PLCH1: variants seen among roughly 807,000 people sequenced by gnomAD.
PLCH1 encodes the protein phospholipase C eta 1.
A neutral mutation model predicts 126.7 loss-of-function variants in PLCH1; 60 were observed. That is an observed-to-expected ratio of 0.47 (90% CI 0.38 to 0.59). The LOEUF (loss-of-function observed/expected upper bound fraction) is 0.59. Ranked by LOEUF, PLCH1 falls within the 20% of genes least tolerant of loss-of-function variation. The pLI is 0.00. For synonymous variants in PLCH1, 719 were observed against 734.9 expected (o/e 0.98, Z 0.35); for missense variants, 1,723 against 2,040.0 (o/e 0.84, Z 2.99).
At chr3:155,734,802 A>G (rs186044619) in intron 1 of PLCH1, among the ~76,000 whole-genome samples, 24 of 146,998 alleles carry the variant, frequency 1.6e-4, no homozygotes, top group Admixed American at 6.2e-4. Context: ...TCCGCCTCCC[A>G]GGTTCACGCC....
chr3:155,639,540 C>T (rs1444338357), intron 2 of PLCH1, among the ~76,000 whole-genome samples: 3 of 152,188 alleles, frequency 2.0e-5, no homozygotes, highest in East Asian at 3.8e-4. Flanking sequence ...TATATGAAGA[C>T]ATCTGATGTT....
At chr3:155,557,370 C>T (rs940691973) in intron 8 of PLCH1, among the ~76,000 whole-genome samples, 4 of 152,090 alleles carry the variant, frequency 2.6e-5, no homozygotes, top group Admixed American at 6.6e-5. Context: ...AATGCAAAGG[C>T]GACAAAGCAA....
intron 2 of PLCH1, among the ~76,000 whole-genome samples, chr3:155,608,982 A>G (rs1734727194): frequency 6.6e-6 from 1 of 152,194 alleles, no homozygotes. Context: ...CTCTGCTCCC[A>G]GGAAAGGGAA....
chr3:155,680,340 G>A (rs1744413465), intron 2 of PLCH1, among the ~76,000 whole-genome samples: 1 of 152,052 alleles, frequency 6.6e-6, no homozygotes, highest in African/African-American at 2.4e-5. Context: ...CCGAGATCAT[G>A]CCACTGCACT....
At chr3:155,564,682 C>A (rs575939733) in intron 8 of PLCH1, among the ~76,000 whole-genome samples, 1 of 152,294 alleles carries the variant, frequency 6.6e-6, no homozygotes, top group East Asian at 1.9e-4. Context: ...ATCATAATTT[C>A]TCAGCAACTA....
chr3:155,474,713 G>A (rs1319943611), intron 21 of PLCH1, among the ~76,000 whole-genome samples: 1 of 121,672 alleles, frequency 8.2e-6, no homozygotes, highest in Non-Finnish European at 1.6e-5. Context: ...TTAAGAAAAT[G>A]TGGCACATAT....
chr3:155,545,974 G>T (rs1321739534), intron 10 of PLCH1, among the ~76,000 whole-genome samples: 4 of 151,494 alleles, frequency 2.6e-5, no homozygotes, highest in African/African-American at 4.8e-5. Flanking sequence ...TTGAAAACTG[G>T]CACAAGACAG....
intron 10 of PLCH1, among the ~76,000 whole-genome samples, chr3:155,537,230 A>C (rs1723550589): frequency 1.2e-4 from 2 of 16,248 alleles, no homozygotes; most frequent in Non-Finnish European, 5.3e-4. Context: ...AAAAAAAAAA[A>C]AAACCTAAAA....
chr3:155,688,379 A>C (rs1038962421), intron 2 of PLCH1, among the ~76,000 whole-genome samples: 4 of 152,228 alleles, frequency 2.6e-5, no homozygotes, highest in Admixed American at 2.6e-4. Context: ...CTTAGTTCAG[A>C]TCATAAAGGC....
intron 1 of PLCH1, among the ~76,000 whole-genome samples, chr3:155,729,099 C>T (rs1461396697): frequency 6.6e-6 from 1 of 152,186 alleles, no homozygotes; most frequent in Non-Finnish European, 1.5e-5. Flanking sequence ...GCTCACGATT[C>T]CTTCATACAT....
At chr3:155,582,077 T>TC (rs1730782461) in intron 6 of PLCH1, among the ~76,000 whole-genome samples, 2 of 22,496 alleles carry the variant, frequency 8.9e-5, no homozygotes. Flanking sequence ...TTTTCTTTCT[T>TC]TTTTTTTTTT....
intron 19 of PLCH1, among the ~76,000 whole-genome samples, chr3:155,490,408 C>T (rs1262412793): frequency 1.3e-5 from 2 of 152,048 alleles, no homozygotes; most frequent in Non-Finnish European, 2.9e-5. Context: ...GAGAAATTAT[C>T]AAGACACATA....
At chr3:155,470,573 A>G (rs372769307) in intron 21 of PLCH1, among the ~76,000 whole-genome samples, 25 of 152,210 alleles carry the variant, frequency 1.6e-4, no homozygotes, top group African/African-American at 2.6e-4. Context: ...GAAATACAGA[A>G]AACGCCACAA....
rs558666972 is a variant in PLCH1 at position 155,572,419 on chromosome 3, T to C, written c.772-4095A>G. Among the ~76,000 whole-genome samples the C allele has an allele frequency of 7.9e-5, 12 of 152,266 alleles. No homozygotes were observed. In the South Asian group the frequency reaches 2.3e-3, roughly 29 times the overall value. ...GTCCTTTTCACAGGACCAGTTGTTG[T>C]TTGCTAATTAGTTTAGTTTAGTTTT... On this transcript the variant is annotated intron_variant, in intron 6 of 22. Coordinates refer to ENST00000460012, the MANE Select transcript of PLCH1 (RefSeq NM_014996.4).
rs182644674 is a variant in PLCH1 at position 155,462,010 on chromosome 3, C to G, written c.2938+23346G>C. 3.7e-3 allele frequency among the ~76,000 whole-genome samples: 567 copies of G among 152,324 alleles called. 5 individuals are homozygous for G. The highest frequency in any genetic ancestry group is 6.1e-3 in the Non-Finnish European group (418 of 68,030). On this transcript the variant is annotated intron_variant, in intron 21 of 21. Transcript: ENST00000494598. ...CATTCAAAATGTGTACTTTCTGTTC[C>G]TACGATCTTATATCTGCTGTGTTAG...
chr3:155,548,774 T>C (rs1466792701), intron 10 of PLCH1, among the ~76,000 whole-genome samples: 1 of 152,228 alleles, frequency 6.6e-6, no homozygotes, highest in African/African-American at 2.4e-5. Flanking sequence ...CCTTTATGCA[T>C]ATAAATGCCT....
intron 7 of PLCH1, among the ~76,000 whole-genome samples, chr3:155,567,682 C>T (rs1010515238): frequency 2.6e-5 from 4 of 152,162 alleles, no homozygotes; most frequent in Non-Finnish European, 5.9e-5. Flanking sequence ...TTACGTCTAA[C>T]ATTTCAGGAG....
rs568132262 is a variant in PLCH1 at position 155,623,149 on chromosome 3, A to ATGAC, written c.80-26775_80-26772dup. 5.1e-3 allele frequency among the ~76,000 whole-genome samples: 773 copies of ATGAC among 151,898 alleles called. 8 individuals carry two copies. Among genetic ancestry groups the ATGAC allele is most frequent in the African/African-American group, 0.018 (737 of 41,518 alleles). On this transcript the variant is annotated intron_variant, in intron 2 of 22. Transcript: ENST00000460012. ...CAACTACATGGAAACTGAATCCTGA[A>ATGAC]TGACTACTGGGTAAATAACAAAATT...
intron 2 of PLCH1, among the ~76,000 whole-genome samples, chr3:155,607,398 C>T (rs1010917967): frequency 1.3e-5 from 2 of 151,858 alleles, no homozygotes; most frequent in African/African-American, 4.8e-5. Context: ...AACATGAATG[C>T]ATTTTAGTTT....
Sources: gnomAD v4.1 joint callset for allele counts (sites outside exome capture counted in the v4.1 genomes callset) on GRCh38, gnomAD v4.1.1 for gene constraint, MANE v1.5 for transcripts, NCBI Gene and HGNC (gene_info 2026-07-23, HGNC 2026-07-21) for gene names.